The following NTN1 variants were observed in gnomAD, a reference collection of about 807,000 sequenced individuals.
NTN1 encodes netrin 1, also known as netrin-1.
In NTN1, 11 loss-of-function variants were observed where a neutral mutation model predicts 54.2. The ratio of observed to expected loss-of-function variants is 0.20; its 90% confidence interval spans 0.13 to 0.34. The LOEUF is 0.34. Ranked by LOEUF, NTN1 falls within the 10% of genes least tolerant of loss-of-function variation. The pLI, the probability that NTN1 is intolerant of heterozygous loss-of-function variation, is 1.00. For synonymous variants in NTN1, 371 were observed against 382.0 expected, an observed-to-expected ratio of 0.97 and a Z score of 0.33; for missense variants, 740 against 893.1, an observed-to-expected ratio of 0.83 and a Z score of 2.18.
the NTN1 span, among the ~76,000 whole-genome samples, chr17:9,012,538 A>AAAC: frequency 7.5e-6 from 1 of 133,110 alleles, no homozygotes; most frequent in African/African-American, 2.8e-5. Flanking sequence ...AAACAAAACA[A>AAAC]AAAAAAAAAA....
chr17:9,106,932 C>CTTATTTAGGAAATA (rs1432344906), intron 2 of NTN1, among the ~76,000 whole-genome samples: 2 of 152,148 alleles, frequency 1.3e-5, no homozygotes, highest in African/African-American at 2.4e-5. Flanking sequence ...GTGCTAAACA[C>CTTATTTAGGAAATA]TTAGGTTATT....
intron 3 of NTN1, chr17:9,176,333 C>T (rs2092400047): frequency 6.6e-6 from 1 of 152,402 alleles, no homozygotes; most frequent in African/African-American, 2.4e-5. Flanking sequence ...CTGCTTGTAT[C>T]TGTGTGTTTC....
intron 2 of NTN1, among the ~76,000 whole-genome samples, chr17:9,123,395 G>A (rs567224797): frequency 8.5e-5 from 13 of 152,226 alleles, no homozygotes; most frequent in Middle Eastern, 3.4e-3. Context: ...GTAACTTTCC[G>A]TCCATCTTTT....
the NTN1 span, among the ~76,000 whole-genome samples, chr17:9,004,081 A>G: frequency 1.3e-5 from 2 of 152,190 alleles, no homozygotes; most frequent in Admixed American, 1.3e-4. Context: ...GGGGACAAAG[A>G]GATTGATTAG....
At chr17:9,216,832 G>A (rs1263253133) in intron 5 of NTN1, among the ~76,000 whole-genome samples, 1 of 152,228 alleles carries the variant, frequency 6.6e-6, no homozygotes, top group Non-Finnish European at 1.5e-5. Flanking sequence ...CATGAGGTCA[G>A]GAGTTCGAGA....
chr17:9,099,064 G>A (rs2092140958), intron 2 of NTN1, among the ~76,000 whole-genome samples: 1 of 152,084 alleles, frequency 6.6e-6, no homozygotes, highest in Non-Finnish European at 1.5e-5. Context: ...TTTGCTATAT[G>A]GGAAACACTT....
intron 2 of NTN1, among the ~76,000 whole-genome samples, chr17:9,086,263 G>C (rs1176675999): frequency 6.6e-6 from 1 of 152,184 alleles, no homozygotes; most frequent in African/African-American, 2.4e-5. Context: ...AGCTGCTGGG[G>C]AGCCTGAGGC....
intron 5 of NTN1, among the ~76,000 whole-genome samples, chr17:9,191,187 G>A (rs1400970635): frequency 2.6e-5 from 4 of 152,206 alleles, no homozygotes; most frequent in South Asian, 2.1e-4. Flanking sequence ...GGAGCCGGGC[G>A]TGGTGGCTCA....
intron 4 of NTN1, among the ~76,000 whole-genome samples, chr17:9,182,529 C>G (rs909339443): frequency 2.0e-5 from 3 of 152,238 alleles, no homozygotes; most frequent in African/African-American, 7.2e-5. Flanking sequence ...GTGAGTTGAG[C>G]TTAGAGATGA....
At chr17:9,138,140 G>T (rs2142277296) in intron 2 of NTN1, among the ~76,000 whole-genome samples, 1 of 152,336 alleles carries the variant, frequency 6.6e-6, no homozygotes, top group South Asian at 2.1e-4. Flanking sequence ...TGACTTTTAA[G>T]TTGTCTTCAG....
rs566229582 is a variant in NTN1, at chr17:9,210,268, C to T, written c.1412-10900C>T. ...AGACCTTCCTGCCCTGCCTCCTTTG[C>T]ACCGTTTAGGTCTTGTTCATGGGCT... On this transcript the variant is annotated intron_variant, in intron 5 of 6. Coordinates refer to ENST00000173229, the MANE Select transcript of NTN1 (RefSeq NM_004822.3). Among the ~76,000 whole-genome samples, 70 of 152,228 alleles carry T rather than the reference C, an allele frequency of 4.6e-4. 1 individual carries two copies. In the South Asian group the frequency reaches 0.013, roughly 29 times the overall value.
chr17:9,157,039 A>C (rs2092344945), intron 2 of NTN1, among the ~76,000 whole-genome samples: 1 of 143,892 alleles, frequency 6.9e-6, no homozygotes. Context: ...CCATCCATCC[A>C]CCTTTTCATC....
chr17:9,112,875 C>T (rs547833788), intron 2 of NTN1, among the ~76,000 whole-genome samples: 1 of 151,000 alleles, frequency 6.6e-6, no homozygotes, highest in South Asian at 2.1e-4. Context: ...TACTAAAGTG[C>T]TGTCTAGCAT....
At position 9,221,901 on chromosome 17, in the gene NTN1, G is replaced by T. The variant is rs1320591971; in HGVS notation, c.1486+659G>T. On this transcript the variant is annotated intron_variant, in intron 6 of 6. Transcript: ENST00000173229. This position sits in a 1 kb window ranked among gnomAD's most constrained non-coding sequence, Gnocchi z 4.5. ...AGTGGAGATGGTCTGGGAGCCTGCAGGAGGAGGGCCCCGCAGTGGCCAGCG... is the reference window on the plus strand; with the variant it reads ...AGTGGAGATGGTCTGGGAGCCTGCATGAGGAGGGCCCCGCAGTGGCCAGCG... Among the ~76,000 whole-genome samples the T allele has an allele frequency of 6.6e-6, 1 of 152,206 alleles. No homozygotes were observed. Among genetic ancestry groups the T allele is most frequent in the Non-Finnish European group, 1.5e-5 (1 of 68,030 alleles).
intron 2 of NTN1, among the ~76,000 whole-genome samples, chr17:9,026,165 G>A (rs998362557): frequency 6.6e-6 from 1 of 151,912 alleles, no homozygotes; most frequent in African/African-American, 2.4e-5. Context: ...CTCCCGCAAA[G>A]AAAACCCCCT....
chr17:9,148,217 C>T (rs1302255325), intron 2 of NTN1, among the ~76,000 whole-genome samples: 2 of 152,174 alleles, frequency 1.3e-5, no homozygotes, highest in Non-Finnish European at 2.9e-5. Flanking sequence ...CAAATCTCCA[C>T]GTGCTCCTGG....
At chr17:9,111,973 T>C (rs942931670) in intron 2 of NTN1, among the ~76,000 whole-genome samples, 1 of 152,228 alleles carries the variant, frequency 6.6e-6, no homozygotes, top group Non-Finnish European at 1.5e-5. Context: ...TTTAGTTGTC[T>C]ATTGAACTAA....
intron 3 of NTN1, among the ~76,000 whole-genome samples, chr17:9,178,654 T>C (rs906828459): frequency 6.6e-6 from 1 of 152,196 alleles, no homozygotes; most frequent in Admixed American, 6.5e-5. Context: ...GAGGAACAGA[T>C]TAGCAGCCAC....
intron 6 of NTN1, among the ~76,000 whole-genome samples, chr17:9,222,945 G>C (rs1905413256): frequency 6.6e-6 from 1 of 152,148 alleles, no homozygotes; most frequent in Non-Finnish European, 1.5e-5. Flanking sequence ...ACTGAAGCCA[G>C]GGTAAGACCC....
Sources: allele counts gnomAD v4.1 joint callset (sites outside exome capture counted in the v4.1 genomes callset), GRCh38; gene constraint gnomAD v4.1.1; non-coding constraint Gnocchi (gnomAD v3.1); transcripts MANE v1.5; gene names NCBI Gene and HGNC (gene_info 2026-07-23, HGNC 2026-07-21).